NRG1: variants seen among roughly 807,000 people sequenced by gnomAD.
NRG1 encodes neuregulin 1.
In NRG1, 18 loss-of-function variants were observed where a neutral mutation model predicts 63.8. That is an observed-to-expected ratio of 0.28 (90% CI 0.19 to 0.42). The LOEUF is 0.42. Among genes scored for constraint, NRG1 ranks in the 10% least tolerant of loss-of-function variants. The pLI, the probability that NRG1 is intolerant of heterozygous loss-of-function variation, is 1.00. For synonymous variants in NRG1, 302 were observed against 301.3 expected (o/e 1.00, Z -0.02); for missense variants, 762 against 814.7 (o/e 0.94, Z 0.79).
At chr8:32,340,877 C>G (rs1359631435) in intron 1 of NRG1, among the ~76,000 whole-genome samples, 1 of 152,156 alleles carries the variant, frequency 6.6e-6, no homozygotes, top group Non-Finnish European at 1.5e-5. Context: ...CACAGCCATG[C>G]CCATTTTTTT....
rs115978556 is a variant in NRG1, at chr8:31,747,299, C to T, written c.37+107868C>T. On this transcript the variant is annotated intron_variant, in intron 1 of 10. Coordinates refer to the NRG1 transcript ENST00000519301. ...TGTACCCCGTGAATATATACACCTACTGTGTATCCACAAAAAAAGTGTTGG... is the reference window on the plus strand; with the variant it reads ...TGTACCCCGTGAATATATACACCTATTGTGTATCCACAAAAAAAGTGTTGG... Among the ~76,000 whole-genome samples the T allele has an allele frequency of 4.4e-3, 674 of 152,028 alleles. 6 individuals carry two copies. The highest frequency in any genetic ancestry group is 0.016 in the African/African-American group (644 of 41,512).
chr8:31,912,566 C>CTTTTTTTTTTTTTTTT (rs3052846), intron 1 of NRG1, among the ~76,000 whole-genome samples: 1 of 105,632 alleles, frequency 9.5e-6, no homozygotes, highest in Non-Finnish European at 1.9e-5. Flanking sequence ...TTTAGAAATG[C>CTTTTTTTTTTTTTTTT]TTTTTTTTTT....
intron 5 of NRG1, among the ~76,000 whole-genome samples, chr8:32,669,434 T>C (rs1301886705): frequency 6.6e-6 from 1 of 152,164 alleles, no homozygotes; most frequent in African/African-American, 2.4e-5. Context: ...TCTAGAACTT[T>C]TAATGTGGAC....
intron 5 of NRG1, among the ~76,000 whole-genome samples, chr8:32,693,425 C>G (rs1812371092): frequency 6.6e-6 from 1 of 151,890 alleles, no homozygotes; most frequent in Non-Finnish European, 1.5e-5. Context: ...CACATGTTAG[C>G]CAGGATGGTC....
chr8:32,323,665 T>A (rs1258917236), intron 1 of NRG1, among the ~76,000 whole-genome samples: 1 of 152,270 alleles, frequency 6.6e-6, no homozygotes, highest in Non-Finnish European at 1.5e-5. Context: ...AAGCCATTTT[T>A]TCCTTACTTG....
intron 1 of NRG1, among the ~76,000 whole-genome samples, chr8:32,530,648 T>A (rs1000459720): frequency 2.0e-5 from 3 of 151,842 alleles, no homozygotes; most frequent in African/African-American, 7.2e-5. Context: ...TCCACATTTG[T>A]TTTTTTTGTA....
chr8:32,585,158 G>T (rs1450596849), intron 1 of NRG1, among the ~76,000 whole-genome samples: 2 of 152,098 alleles, frequency 1.3e-5, no homozygotes, highest in African/African-American at 4.8e-5. Flanking sequence ...CAGTTTTTCT[G>T]TTTAACATTT....
At chr8:32,646,053 G>A (rs1853460694) in intron 5 of NRG1, among the ~76,000 whole-genome samples, 1 of 152,322 alleles carries the variant, frequency 6.6e-6, no homozygotes. Flanking sequence ...CCTCTGCAGT[G>A]TGGAGTCACC....
At chr8:31,894,575 G>A (rs1831414833) in intron 1 of NRG1, among the ~76,000 whole-genome samples, 1 of 139,442 alleles carries the variant, frequency 7.2e-6, no homozygotes, top group Non-Finnish European at 1.5e-5. Flanking sequence ...TTTTGAGATG[G>A]AGTCTCGCTC....
At chr8:31,981,359 G>A (rs193124745) in intron 1 of NRG1, among the ~76,000 whole-genome samples, 1,679 of 152,118 alleles carry the variant, frequency 0.011, 13 homozygotes, top group Admixed American at 0.015. Flanking sequence ...GGTAGTTGGA[G>A]TGTATAATCA....
intron 1 of NRG1, among the ~76,000 whole-genome samples, chr8:32,576,712 C>A (rs149496325): frequency 6.6e-6 from 1 of 151,818 alleles, no homozygotes. Flanking sequence ...GAATCGCCTG[C>A]GATGCTTTTG....
At chr8:32,516,982 ACTTTATT>A in intron 1 of NRG1, among the ~76,000 whole-genome samples, 1 of 48,260 alleles carries the variant, frequency 2.1e-5, no homozygotes, top group South Asian at 6.8e-4. Context: ...AAAAAAGATG[ACTTTATT>A]AAGGATCTCT....
At chr8:31,987,318 A>G (rs376170661) in intron 1 of NRG1, among the ~76,000 whole-genome samples, 5 of 75,222 alleles carry the variant, frequency 6.6e-5, no homozygotes, top group African/African-American at 1.5e-4. Flanking sequence ...AAAAACATAT[A>G]TATGTGTGTG....
At chr8:32,759,948 G>A (rs966892431) in intron 10 of NRG1, among the ~76,000 whole-genome samples, 2 of 152,100 alleles carry the variant, frequency 1.3e-5, no homozygotes, top group Non-Finnish European at 2.9e-5. Flanking sequence ...CTGAGGAGTG[G>A]CATTCGAAAA....
intron 1 of NRG1, among the ~76,000 whole-genome samples, chr8:32,479,099 AC>A (rs1489723375): frequency 6.6e-6 from 1 of 152,202 alleles, no homozygotes. Flanking sequence ...TCAAGGAAAA[AC>A]AAAAACATAA....
chr8:32,371,991 C>CCTTTTT (rs1289943893), intron 1 of NRG1, among the ~76,000 whole-genome samples: 6 of 64,096 alleles, frequency 9.4e-5, no homozygotes, highest in South Asian at 5.5e-4. Flanking sequence ...TCTTCTTCTT[C>CCTTTTT]ATTTTTTTTT....
chr8:32,016,198 G>C (rs969404716), intron 1 of NRG1, among the ~76,000 whole-genome samples: 1 of 151,768 alleles, frequency 6.6e-6, no homozygotes, highest in Non-Finnish European at 1.5e-5. Flanking sequence ...TTAGGAAAAA[G>C]ATATATATAT....
intron 1 of NRG1, among the ~76,000 whole-genome samples, chr8:32,509,751 A>C (rs753289392): frequency 4.6e-5 from 7 of 152,142 alleles, no homozygotes; most frequent in Non-Finnish European, 8.8e-5. Flanking sequence ...AAAGGCAGCT[A>C]TATGTTTGGC....
chr8:32,160,890 T>C (rs1211316349), intron 1 of NRG1, among the ~76,000 whole-genome samples: 2 of 152,172 alleles, frequency 1.3e-5, no homozygotes, highest in African/African-American at 2.4e-5. Context: ...TAAATTCCCG[T>C]AGAAAAGCCT....
Sources: allele counts gnomAD v4.1 joint callset (sites outside exome capture counted in the v4.1 genomes callset), GRCh38; gene constraint gnomAD v4.1.1; transcripts MANE v1.5; gene names NCBI Gene and HGNC (gene_info 2026-07-23, HGNC 2026-07-21).